SH3RF1: variants seen among roughly 807,000 people sequenced by gnomAD.
The protein encoded by SH3RF1 is SH3 domain containing ring finger 1, also known as E3 ubiquitin-protein ligase SH3RF1.
In SH3RF1, 32 loss-of-function variants were observed where a neutral mutation model predicts 74.0. The ratio of observed to expected loss-of-function variants is 0.43; its 90% CI spans 0.33 to 0.58. SH3RF1 has a LOEUF of 0.58. Ranked by LOEUF, SH3RF1 falls within the 20% of genes least tolerant of loss-of-function variation. The pLI is 0.05. For missense variants in SH3RF1, 954 were observed against 1,130.9 expected (o/e 0.84, Z 2.24); for synonymous variants, 396 against 439.6 (o/e 0.90, Z 1.24).
chr4:169,260,371 C>T (rs990196139), intron 2 of SH3RF1, among the ~76,000 whole-genome samples: 3 of 152,142 alleles, frequency 2.0e-5, no homozygotes, highest in Non-Finnish European at 2.9e-5. Context: ...TCTGTTCTAC[C>T]GGCTCCCCAC....
At chr4:169,270,480 A>C (rs1459103339) in intron 1 of SH3RF1, among the ~76,000 whole-genome samples, 1 of 151,950 alleles carries the variant, frequency 6.6e-6, no homozygotes, top group Non-Finnish European at 1.5e-5. Flanking sequence ...GTTTTCAAGG[A>C]CTTAAAAATA....
rs766932744 is a variant in SH3RF1, at chr4:169,136,459, A to G, written c.927T>C (p.Thr309=). Residue 309 remains threonine, a synonymous_variant, in exon 5 of 12, where the codon ACT becomes ACC. Transcript: ENST00000284637. ...ATGCCTGGGAGGACTTGTTGGCCAT[A>G]GTGAGGGAAGTGAAGGAGTGCCGCT... is the stretch of plus-strand genomic sequence containing the variant. The part of the protein sequence containing the change: ...TKKRHSFTSL[T]MANKSSQASQ... 1 of 1,612,288 alleles carries G rather than the reference A, an allele frequency of 6.2e-7. No homozygotes were observed. Among genetic ancestry groups the G allele is most frequent in the African/African-American group, 1.3e-5 (1 of 74,590 alleles).
chr4:169,130,643 G>A lies in SH3RF1; in HGVS notation c.1069-487C>T, dbSNP rs192982259. 2.3e-4 allele frequency among the ~76,000 whole-genome samples: 35 copies of A among 152,198 alleles called. No homozygotes were observed. In the South Asian group the frequency reaches 3.3e-3, roughly 14 times the overall value. ...TCATTTTTCATGACTTCTACCTTTC[G>A]GTGGGGATGCATAATTAAAATGCAG... On this transcript the variant is annotated intron_variant, in intron 5 of 11. Transcript: ENST00000284637.
chr4:169,134,137 C>T (rs192385451), intron 5 of SH3RF1, among the ~76,000 whole-genome samples: 380 of 152,264 alleles, frequency 2.5e-3, no homozygotes, highest in Non-Finnish European at 4.2e-3. Context: ...TCAAACACCT[C>T]CCAGCCTCTT....
Position 169,155,889 on chromosome 4 carries a change from T to C in SH3RF1, c.670-314A>G, listed in dbSNP as rs534463256. Among the ~76,000 whole-genome samples the C allele has an allele frequency of 8.5e-4, 129 of 152,296 alleles. 1 individual carries two copies. The highest frequency in any genetic ancestry group is 3.0e-3 in the African/African-American group (124 of 41,558). On this transcript the variant is annotated intron_variant, in intron 3 of 11. Transcript: ENST00000284637. ...GCCTCCTGAGTTTGTTTTAGATTGATTCTCAGATGCTCCTCATTTTCTGAA... is the reference window on the plus strand; with the variant it reads ...GCCTCCTGAGTTTGTTTTAGATTGACTCTCAGATGCTCCTCATTTTCTGAA...
chr4:169,265,523 G>A (rs1731338319), intron 2 of SH3RF1, among the ~76,000 whole-genome samples: 1 of 152,100 alleles, frequency 6.6e-6, no homozygotes, highest in Non-Finnish European at 1.5e-5. Context: ...GGCCAGACTG[G>A]AGTGCAAGGG....
intron 10 of SH3RF1, 61 bp from the exon 11 acceptor site, chr4:169,107,266 T>C: frequency 7.0e-7 from 1 of 1,424,508 alleles, no homozygotes; most frequent in Non-Finnish European, 9.5e-7. Context: ...TGGTGTAATC[T>C]AAAGGGCCCT....
At chr4:169,153,223 A>T (rs1423123525) in intron 4 of SH3RF1, among the ~76,000 whole-genome samples, 1 of 152,124 alleles carries the variant, frequency 6.6e-6, no homozygotes, top group Non-Finnish European at 1.5e-5. Context: ...GCTCCAAACC[A>T]CTATGCATAA....
chr4:169,096,462 T>C lies in SH3RF1; in HGVS notation c.*57A>G. On this transcript the variant is annotated 3_prime_UTR_variant, in exon 12 of 12. Coordinates refer to ENST00000284637, the MANE Select transcript of SH3RF1 (RefSeq NM_020870.4). ...CACAAATGTGCTCTTTCTGTTAAAC[T>C]GCTTTGTGCTACTTTGTTGTGTGAA... 6.4e-7 allele frequency: 1 copy of C among 1,564,668 alleles called. No individual in the cohort carries two copies. The highest frequency in any genetic ancestry group is 8.7e-7 in the Non-Finnish European group (1 of 1,153,558).
chr4:169,124,979 T>TAC (rs1733500875), intron 6 of SH3RF1, among the ~76,000 whole-genome samples: 1 of 139,208 alleles, frequency 7.2e-6, no homozygotes, highest in Non-Finnish European at 1.5e-5. Flanking sequence ...AGGCCAAGTA[T>TAC]ACACTCTCTA....
chr4:169,184,478 T>G (rs1400417452), intron 2 of SH3RF1, among the ~76,000 whole-genome samples: 1 of 152,154 alleles, frequency 6.6e-6, no homozygotes, highest in Admixed American at 6.5e-5. Context: ...CATTGCAAGC[T>G]CCTTCACTTC....
At chr4:169,145,545 T>C (rs1298302874) in intron 4 of SH3RF1, among the ~76,000 whole-genome samples, 1 of 140,436 alleles carries the variant, frequency 7.1e-6, no homozygotes, top group Non-Finnish European at 1.5e-5. Context: ...CCAGCACATG[T>C]ACCCCCCGAA....
chr4:169,249,057 C>T (rs536102952), intron 2 of SH3RF1, among the ~76,000 whole-genome samples: 297 of 152,104 alleles, frequency 2.0e-3, no homozygotes, highest in Middle Eastern at 0.01. Context: ...GAAACCCCAT[C>T]TCTACTAAAA....
intron 4 of SH3RF1, among the ~76,000 whole-genome samples, chr4:169,137,667 A>G (rs944263918): frequency 2.0e-5 from 3 of 152,174 alleles, no homozygotes; most frequent in Non-Finnish European, 4.4e-5. Flanking sequence ...TCCCACTTAA[A>G]TTGTTCAGGC....
At chr4:169,236,039 C>A (rs1730818383) in intron 2 of SH3RF1, among the ~76,000 whole-genome samples, 2 of 152,184 alleles carry the variant, frequency 1.3e-5, no homozygotes, top group Admixed American at 1.3e-4. Flanking sequence ...CTGTTCTGGA[C>A]AACATTTGCC....
intron 6 of SH3RF1, 82 bp downstream of exon 6, chr4:169,129,964 C>T (rs746792294): frequency 1.0e-6 from 1 of 1,001,200 alleles, no homozygotes; most frequent in Non-Finnish European, 1.5e-6. Context: ...ACATACGCTG[C>T]AGGTGTTAGG....
intron 4 of SH3RF1, 148 bp downstream of exon 4, chr4:169,155,332 G>T: frequency 1.7e-6 from 1 of 600,114 alleles, no homozygotes; most frequent in Non-Finnish European, 2.9e-6. Context: ...TAGGATGGAG[G>T]AATTCTTCCT....
At chr4:169,167,317 G>T (rs1433055493) in intron 2 of SH3RF1, among the ~76,000 whole-genome samples, 2 of 152,088 alleles carry the variant, frequency 1.3e-5, no homozygotes, top group Non-Finnish European at 2.9e-5. Context: ...ACTGACAACA[G>T]AAAATTTTCT....
rs144629121 is a variant in SH3RF1 at position 169,156,619 on chromosome 4, C to G, written c.454G>C (p.Asp152His). 3.1e-3 allele frequency: 5,020 copies of G among 1,613,868 alleles called. 12 individuals carry two copies. The highest frequency in any genetic ancestry group is 3.9e-3 in the Non-Finnish European group (4,587 of 1,179,944). Residue 152 changes from aspartate to histidine, a missense_variant, in exon 3 of 12, where the codon GAC becomes CAC. Asp to His is a moderately conservative substitution (Grantham distance 81). Transcript: ENST00000284637. Reference protein sequence around the residue: ...LYNYEGKEPGDLKFSKGDIII... With the variant: ...LYNYEGKEPGHLKFSKGDIII... The stretch of plus-strand genomic sequence containing the variant: ...ATGTCACCTTTGCTGAATTTAAGGT[C>G]TCCAGGCTCTTTTCCTTCATAGTTG...
Sources: gnomAD v4.1 joint callset for allele counts (sites outside exome capture counted in the v4.1 genomes callset) on GRCh38, gnomAD v4.1.1 for gene constraint, MANE v1.5 for transcripts, NCBI Gene and HGNC (gene_info 2026-07-23, HGNC 2026-07-21) for gene names.